Variants in GRIPAP1 observed in about 807,000 individuals in gnomAD.
GRIPAP1 encodes the protein GRIP1-associated protein 1.
Under a neutral mutation model 84.1 loss-of-function variants are expected in GRIPAP1, and 14 were observed. That is an observed-to-expected ratio of 0.17 (90% confidence interval 0.11 to 0.26). GRIPAP1 has a LOEUF of 0.26. Among genes scored for constraint, GRIPAP1 ranks in the 10% least tolerant of loss-of-function variants. GRIPAP1 has a pLI of 1.00. For synonymous variants in GRIPAP1, 261 were observed against 256.8 expected (o/e 1.02, Z -0.15); for missense variants, 518 against 674.2 (o/e 0.77, Z 2.57).
At chrX:48,980,918 A>C in intron 21 of GRIPAP1, 1 of 314,942 alleles carries the variant, frequency 3.2e-6, no homozygotes, top group Non-Finnish European at 5.5e-6. Context: ...GGAGAAAACT[A>C]GAGAAAGAAA....
chrX:48,988,220 ATT>A, intron 11 of GRIPAP1, 22 bp from the exon 12 acceptor site: 1 of 1,106,131 alleles, frequency 9.0e-7, no homozygotes, highest in Non-Finnish European at 1.2e-6. Flanking sequence ...AGGGGAGCCC[ATT>A]TTACACCTCA....
intron 3 of GRIPAP1, chrX:48,998,859 G>A (rs1344424573): frequency 1.5e-5 from 3 of 197,796 alleles, no homozygotes; most frequent in Non-Finnish European, 1.8e-5. Context: ...AGGTGGGTTT[G>A]CTCTCATTTT....
rs782467179 is a variant in GRIPAP1 at position 48,978,400 on chromosome X, G to T, written c.1966C>A (p.Pro656Thr). Residue 656 changes from proline to threonine, a missense_variant, in exon 22 of 26, where the codon CCA becomes ACA. Coordinates refer to ENST00000376423, the MANE Select transcript of GRIPAP1 (RefSeq NM_020137.5). ...CTGTCCCCTGTCTGGGTCCGGCTTGGTGAGTTCATCTCTGAGAGAACCAGC... is the reference window on the plus strand; with the variant it reads ...CTGTCCCCTGTCTGGGTCCGGCTTGTTGAGTTCATCTCTGAGAGAACCAGC... ...EELVLSEMNSPSRTQTGDSSS... is the reference protein window; with the variant it reads ...EELVLSEMNSTSRTQTGDSSS... The T allele has an allele frequency of 7.4e-6, 9 of 1,208,130 alleles. No individual in the cohort carries two copies. Among genetic ancestry groups the T allele is most frequent in the Non-Finnish European group, 1.0e-5 (9 of 893,333 alleles).
rs367732647 is a variant in GRIPAP1 at position 48,985,428 on chromosome X, G to A, written c.1042-26C>T. On this transcript the variant is annotated intron_variant, in intron 13 of 25. Transcript: ENST00000376423. ...CTGGAGAAAGTAGTGGTGATGAGAA[G>A]TAGAGTGAAAGGGACCCCAGGGGCC... 51 of 1,198,451 alleles carry A rather than the reference G, an allele frequency of 4.3e-5. No individual in the cohort carries two copies. In the Middle Eastern group the frequency reaches 9.5e-4, roughly 22 times the overall value.
At position 48,974,078 on chromosome X, in the gene GRIPAP1, T is replaced by C; in HGVS notation, c.*115A>G. ...CATCAGGCCTCTAGCCCCTTTAATG[T>C]CCAGTCTCCCAAGCTATTTGATTTT... On this transcript the variant is annotated 3_prime_UTR_variant, in exon 26 of 26. Coordinates refer to ENST00000376423, the MANE Select transcript of GRIPAP1 (RefSeq NM_020137.5). 1 of 481,747 alleles carries C rather than the reference T, an allele frequency of 2.1e-6. No individual in the cohort carries two copies. Among genetic ancestry groups the C allele is most frequent in the Non-Finnish European group, 3.7e-6 (1 of 272,843 alleles). 39.7% of individuals were successfully genotyped at this position (481,747 alleles called of 1,213,427 possible).
In GRIPAP1 at chrX:48,981,199, T is replaced by C; in HGVS notation, c.1930+16A>G. 2 of 1,186,599 alleles carry C rather than the reference T, an allele frequency of 1.7e-6. No homozygotes were observed. Among genetic ancestry groups the C allele is most frequent in the South Asian group, 3.6e-5 (2 of 55,284 alleles). On this transcript the variant is annotated intron_variant, in intron 21 of 25. Transcript: ENST00000376423. ...CCCCCATGCCTCAGCCTCCTCTCCC[T>C]GTCCTAGTCCCTCACCTGAGCGGCT...
intron 5 of GRIPAP1, among the ~76,000 whole-genome samples, chrX:48,997,005 C>T (rs2064550363): frequency 9.0e-6 from 1 of 111,549 alleles, no homozygotes; most frequent in Non-Finnish European, 1.9e-5. Context: ...ACTTGAAGCT[C>T]AAATAAAAGG....
intron 5 of GRIPAP1, among the ~76,000 whole-genome samples, chrX:48,995,614 G>A (rs2064543320): frequency 9.1e-6 from 1 of 109,407 alleles, no homozygotes; most frequent in African/African-American, 3.3e-5. Context: ...TTTTTAAATT[G>A]AGACAGAGTC....
intron 13 of GRIPAP1, among the ~76,000 whole-genome samples, chrX:48,986,619 T>C (rs1557063838): frequency 9.1e-6 from 1 of 109,892 alleles, no homozygotes. Context: ...GGTCTCGAAC[T>C]CCGAACCCCA....
Position 48,988,164 on chromosome X carries a change from T to C in GRIPAP1, c.905A>G (p.Glu302Gly). ...CAAAGCTGCTGCATGTTCCAGGCGC[T>C]CCCCCTGCCGCTGATCTCTCAGCTC... ...LAELRDQRQG[E>G]RLEHAAALRA... The change falls in exon 12 of 26, where the codon GAG becomes GGG. Residue 302 changes from glutamate (E) to glycine (G), a missense_variant. Glu to Gly is a moderately conservative substitution (Grantham distance 98). Coordinates refer to ENST00000376423, the MANE Select transcript of GRIPAP1 (RefSeq NM_020137.5). The C allele has an allele frequency of 8.4e-7, 1 of 1,196,615 alleles. No individual in the cohort carries two copies.
At chrX:48,997,838 C>A (rs2064555927) in intron 4 of GRIPAP1, 1 of 347,183 alleles carries the variant, frequency 2.9e-6, no homozygotes, top group East Asian at 5.3e-5. Flanking sequence ...AAAGAGAAAT[C>A]ACCGAGACAG....
At position 48,978,340 on chromosome X, in the gene GRIPAP1, A is replaced by G; in HGVS notation, c.2026T>C (p.Leu676=). 8.3e-7 allele frequency: 1 copy of G among 1,209,612 alleles called. No individual in the cohort carries two copies. Among genetic ancestry groups the G allele is most frequent in the Non-Finnish European group, 1.1e-6 (1 of 894,271 alleles). ...ACAGCCGAGCTCTCCTTTTCCCGCA[A>G]GATCTCCCGGTAGCTGAAGGAGGAG... is the stretch of plus-strand genomic sequence containing the variant. ...SISSFSYREI[L]REKESSAVPA... The change falls in exon 22 of 26, where the codon TTG becomes CTG. Residue 676 remains leucine, a synonymous_variant. Coordinates refer to ENST00000376423, the MANE Select transcript of GRIPAP1 (RefSeq NM_020137.5).
chrX:48,982,901 C>T (rs1367735863), intron 17 of GRIPAP1, 78 bp downstream of exon 17: 23 of 639,115 alleles, frequency 3.6e-5, no homozygotes, highest in East Asian at 1.3e-4. Flanking sequence ...AGTTCCAGGG[C>T]CTGACCACTC....
Position 48,976,358 on chromosome X carries a change from TA to T in GRIPAP1, c.2066del (p.Leu689TyrfsTer41). The stretch of plus-strand genomic sequence containing the variant: ...GGGGCTGGGCTTGAGGGCTGCTGGA[TA>T]AGGACTGCAGGAAAGAGAAGGGGAG... The part of the protein sequence containing the change: ...KESSAVPARS[L>X]SSSPQAQPPR... On this transcript the variant is annotated frameshift_variant, in exon 23 of 26. Transcript: ENST00000376423. LOFTEE classifies it high-confidence loss of function. 1 of 1,199,920 alleles carries T rather than the reference TA, an allele frequency of 8.3e-7. No individual in the cohort carries two copies.
At chrX:48,986,314 C>T (rs891850731) in intron 13 of GRIPAP1, among the ~76,000 whole-genome samples, 2 of 110,301 alleles carry the variant, frequency 1.8e-5, no homozygotes, top group African/African-American at 3.3e-5. Flanking sequence ...TTTGGAAGGC[C>T]GAGGTGGGAA....
Position 49,002,196 on chromosome X carries a change from G to A in GRIPAP1, c.34C>T (p.Arg12Trp). The A allele has an allele frequency of 8.5e-7, 1 of 1,174,927 alleles. No homozygotes were observed. Among genetic ancestry groups the A allele is most frequent in the Non-Finnish European group, 1.2e-6 (1 of 865,881 alleles). ...CCCACCGCGAGCGGCACCTGCATCC[G>A]CTGAAACTCCTCCTCAGACAGAGCT... ...AQALSEEEFQ[R>W]MQAQLLELRT... is the part of the protein sequence containing the mutation. The change falls in exon 1 of 26, where the codon CGG (arginine) becomes TGG (tryptophan). Residue 12 changes from arginine to tryptophan, a missense_variant. Coordinates refer to ENST00000376423, the MANE Select transcript of GRIPAP1 (RefSeq NM_020137.5).
chrX:49,002,129 C>T (rs950917634), intron 1 of GRIPAP1, 59 bp downstream of exon 1: 8 of 795,951 alleles, frequency 1.0e-5, no homozygotes, highest in African/African-American at 2.1e-5. Context: ...ATAGCACGAC[C>T]TCTCGCTACC....
At chrX:48,981,138 G>T in intron 21 of GRIPAP1, 77 bp downstream of exon 21, 1 of 750,362 alleles carries the variant, frequency 1.3e-6, no homozygotes, top group Non-Finnish European at 2.0e-6. Flanking sequence ...GGAAGATGCA[G>T]GACTAACCTG....
intron 14 of GRIPAP1, among the ~76,000 whole-genome samples, chrX:48,984,505 G>A (rs2064474982): frequency 1.8e-5 from 2 of 108,503 alleles, no homozygotes; most frequent in Admixed American, 2.0e-4. Context: ...ATCTCCTGAG[G>A]TCAGGAGTTT....
Sources: allele counts gnomAD v4.1 joint callset (sites outside exome capture counted in the v4.1 genomes callset), GRCh38; gene constraint gnomAD v4.1.1; transcripts MANE v1.5; gene names NCBI Gene and HGNC (gene_info 2026-07-23, HGNC 2026-07-21).